The following ANK3 variants were observed in gnomAD, a reference collection of about 807,000 sequenced individuals.
ANK3 encodes the protein ankyrin 3.
ANK3 carries 57 observed loss-of-function variants against 370.9 expected under a neutral mutation model. The ratio of observed to expected loss-of-function variants is 0.15; its 90% CI spans 0.12 to 0.19. The LOEUF is 0.19. Among genes scored for constraint, ANK3 ranks in the 10% least tolerant of loss-of-function variants. The probability of loss-of-function intolerance (pLI) is 1.00; values close to 1 mark genes in which losing one functional copy is unlikely to be tolerated. For missense variants in ANK3, 4,439 were observed against 5,302.1 expected (o/e 0.84, Z 5.06); for synonymous variants, 1,929 against 1,946.3 (o/e 0.99, Z 0.23).
intron 2 of ANK3, among the ~76,000 whole-genome samples, chr10:60,408,249 G>A (rs543649686): frequency 6.6e-6 from 1 of 152,142 alleles, no homozygotes; most frequent in East Asian, 1.9e-4. Flanking sequence ...ATGTTTAATT[G>A]TCACCTCCAT....
chr10:60,717,806 G>C (rs2079811242), intron 1 of ANK3, among the ~76,000 whole-genome samples: 1 of 152,180 alleles, frequency 6.6e-6, no homozygotes. Flanking sequence ...CACCAAATTG[G>C]TGAGATTTGC....
At chr10:60,403,447 C>T (rs1271691515) in intron 2 of ANK3, among the ~76,000 whole-genome samples, 1 of 152,186 alleles carries the variant, frequency 6.6e-6, no homozygotes, top group African/African-American at 2.4e-5. Context: ...TGTAAAAATG[C>T]TTTACAAAAT....
chr10:60,547,433 G>T (rs528062653), intron 2 of ANK3, among the ~76,000 whole-genome samples: 3 of 150,260 alleles, frequency 2.0e-5, no homozygotes, highest in African/African-American at 7.4e-5. Context: ...ACAGAGTATC[G>T]CTCTGTTGCC....
At chr10:60,452,275 T>TGC (rs1339961347) in intron 2 of ANK3, among the ~76,000 whole-genome samples, 1 of 152,236 alleles carries the variant, frequency 6.6e-6, no homozygotes, top group East Asian at 1.9e-4. Flanking sequence ...GCCAGGGCTG[T>TGC]GCCCTTATTG....
intron 2 of ANK3, among the ~76,000 whole-genome samples, chr10:60,469,031 G>A (rs200822571): frequency 0.026 from 301 of 11,400 alleles, 9 homozygotes; most frequent in South Asian, 0.056. Context: ...CACTTTTAGT[G>A]TATATATATA....
intron 26 of ANK3, among the ~76,000 whole-genome samples, chr10:60,109,357 T>C (rs1565072895): frequency 1.3e-5 from 2 of 152,186 alleles, no homozygotes. Flanking sequence ...AAAATCGGTC[T>C]AGTAACAGGA....
chr10:60,574,675 G>T (rs942879292), intron 2 of ANK3, among the ~76,000 whole-genome samples: 2 of 152,140 alleles, frequency 1.3e-5, no homozygotes, highest in Non-Finnish European at 2.9e-5. Context: ...GACTTCAATC[G>T]GGTGAACCTT....
intron 23 of ANK3, among the ~76,000 whole-genome samples, chr10:60,158,677 C>CTTTCTTT (rs2095416199): frequency 2.0e-5 from 1 of 49,280 alleles, no homozygotes; most frequent in African/African-American, 1.3e-4. Flanking sequence ...AGAGAAAGCA[C>CTTTCTTT]TTTTTTTCTT....
intron 1 of ANK3, among the ~76,000 whole-genome samples, chr10:60,728,987 T>C (rs964530479): frequency 1.3e-5 from 2 of 152,208 alleles, no homozygotes; most frequent in African/African-American, 2.4e-5. Flanking sequence ...AAGATGCATA[T>C]GTCTTCTCTA....
intron 13 of ANK3, among the ~76,000 whole-genome samples, chr10:60,199,247 T>C (rs1390251357): frequency 1.3e-5 from 2 of 152,208 alleles, no homozygotes; most frequent in Non-Finnish European, 2.9e-5. Flanking sequence ...ATAGAAATTC[T>C]CTACTGAATT....
chr10:60,092,791 A>G (rs1384678048), intron 28 of ANK3, among the ~76,000 whole-genome samples: 1 of 152,226 alleles, frequency 6.6e-6, no homozygotes, highest in East Asian at 1.9e-4. Flanking sequence ...GCTGGAGTGC[A>G]GGGGCATGAT....
intron 2 of ANK3, among the ~76,000 whole-genome samples, chr10:60,507,204 C>T (rs1307784446): frequency 2.0e-5 from 3 of 151,980 alleles, no homozygotes; most frequent in African/African-American, 7.2e-5. Flanking sequence ...TGTTTAAAAA[C>T]TTGTATGAAA....
rs1031688 is a variant in ANK3 at position 60,278,786 on chromosome 10, A to G, written c.402T>C (p.Asn134=). Reference sequence around the variant, plus strand: ...GTTGTAGGCTTACCTGAGATTGTGCATTGACATTGGCTCCATTTGTAACCA... The same window carrying G: ...GTTGTAGGCTTACCTGAGATTGTGCGTTGACATTGGCTCCATTTGTAACCA... ...KVLVTNGANV[N]AQSQNGFTPL... The change falls in exon 4 of 44, where the codon AAT becomes AAC. Residue 134 remains asparagine, a synonymous_variant. Coordinates refer to ENST00000280772, the MANE Select transcript of ANK3 (RefSeq NM_020987.5). The G allele has an allele frequency of 0.026, 41,836 of 1,613,556 alleles. 616 individuals are homozygous for G. Among genetic ancestry groups the G allele is most frequent in the South Asian group, 0.029 (2,655 of 91,066 alleles).
intron 5 of ANK3, among the ~76,000 whole-genome samples, chr10:60,264,661 T>A (rs2097853202): frequency 6.6e-6 from 1 of 150,808 alleles, no homozygotes. Flanking sequence ...AAAAAAAATC[T>A]CAGGCTAAAT....
intron 2 of ANK3, among the ~76,000 whole-genome samples, chr10:60,529,689 A>G (rs2076559537): frequency 6.6e-6 from 1 of 152,190 alleles, no homozygotes; most frequent in South Asian, 2.1e-4. Context: ...AACAGCTTTT[A>G]GTCATGAATC....
At chr10:60,277,102 T>C (rs900039929) in intron 4 of ANK3, among the ~76,000 whole-genome samples, 5 of 152,186 alleles carry the variant, frequency 3.3e-5, no homozygotes, top group African/African-American at 1.2e-4. Context: ...ACAAGAACCA[T>C]GCAGTTGGAA....
chr10:60,390,201 G>A (rs369123728), upstream of ANK3, among the ~76,000 whole-genome samples: 4 of 152,212 alleles, frequency 2.6e-5, no homozygotes, highest in Non-Finnish European at 5.9e-5. Flanking sequence ...TGTATTGCCT[G>A]TCTCAACAGT....
At chr10:60,165,836 T>C (rs912054219) in intron 23 of ANK3, among the ~76,000 whole-genome samples, 4 of 152,158 alleles carry the variant, frequency 2.6e-5, no homozygotes, top group Non-Finnish European at 5.9e-5. Context: ...GAAAAACAGT[T>C]AAATATAATT....
chr10:60,101,193 G>C (rs953070340), intron 28 of ANK3, among the ~76,000 whole-genome samples: 1 of 152,180 alleles, frequency 6.6e-6, no homozygotes, highest in Non-Finnish European at 1.5e-5. Context: ...TACATTTGCA[G>C]CATATTTCCA....
Sources: gnomAD v4.1 joint callset for allele counts (sites outside exome capture counted in the v4.1 genomes callset) on GRCh38, gnomAD v4.1.1 for gene constraint, MANE v1.5 for transcripts, NCBI Gene and HGNC (gene_info 2026-07-23, HGNC 2026-07-21) for gene names.